The following CBLN2 variants were observed in gnomAD, a reference collection of about 807,000 sequenced individuals.
CBLN2 encodes the protein cerebellin-2.
In CBLN2, 7 loss-of-function variants were observed where a neutral mutation model predicts 15.0. That is an observed-to-expected ratio of 0.47 (90% CI 0.27 to 0.88). The LOEUF (loss-of-function observed/expected upper bound fraction) is 0.88, where lower values mean the gene tolerates loss of function less well. CBLN2 is among the 40% of genes least tolerant of loss of function. The pLI is 0.14. For synonymous variants in CBLN2, 149 were observed against 135.2 expected (o/e 1.10, Z -0.71); for missense variants, 242 against 304.5 (o/e 0.79, Z 1.53).
At chr18:72,610,650 T>C (rs1568131073) in intron 1 of CBLN2, among the ~76,000 whole-genome samples, 1 of 152,182 alleles carries the variant, frequency 6.6e-6, no homozygotes, top group Non-Finnish European at 1.5e-5. Context: ...TAGAAATCAA[T>C]AAGGAGCATC....
Position 72,567,091 on chromosome 18 carries a change from A to G in CBLN2, c.16-28319T>C, listed in dbSNP as rs186453327. Among the ~76,000 whole-genome samples the G allele has an allele frequency of 2.6e-5, 4 of 152,278 alleles. No homozygotes were observed. The East Asian group carries it at 7.7e-4, about 29-fold the overall frequency. ...ACCTGCCTCAGCCTCCCAAAATGCT[A>G]GAATTACAGACAGGAGGCACCGCGC... On this transcript the variant is annotated intron_variant, in intron 1 of 2. Coordinates refer to the CBLN2 transcript ENST00000581073.
chr18:72,542,841 T>G (rs1300792065), intron 2 of CBLN2: 1 of 152,058 alleles, frequency 6.6e-6, no homozygotes, highest in Non-Finnish European at 1.5e-5. Flanking sequence ...TTTTATCTGT[T>G]TTCCACCCAC....
rs2069080027 is a variant in CBLN2, at chr18:72,538,062, C to T, written c.*114G>A. 5 of 1,013,150 alleles carry T rather than the reference C, an allele frequency of 4.9e-6. No individual in the cohort carries two copies. The highest frequency in any genetic ancestry group is 1.6e-5 in the African/African-American group (1 of 62,104). The allele number at this position is 1,013,150 out of a possible 1,614,324, so 62.8% of individuals were successfully genotyped here. On this transcript the variant is annotated 3_prime_UTR_variant, in exon 5 of 5. Transcript: ENST00000269503. ...AAAGGAAATCATTCTTCTACTGCAA[C>T]AGTCTGACGGAGGTTGGAAACAAGG... is the stretch of plus-strand genomic sequence containing the variant.
intron 1 of CBLN2, among the ~76,000 whole-genome samples, chr18:72,628,193 A>G (rs1343955085): frequency 2.0e-5 from 3 of 152,172 alleles, no homozygotes; most frequent in Admixed American, 6.5e-5. Context: ...GAGTCTTACA[A>G]TTTTTTAAGA....
At chr18:72,566,112 T>C (rs1290905435) in intron 1 of CBLN2, among the ~76,000 whole-genome samples, 1 of 152,106 alleles carries the variant, frequency 6.6e-6, no homozygotes, top group Admixed American at 6.5e-5. Context: ...AAAAATACAC[T>C]GAGATATCAC....
At chr18:72,630,574 G>GAGA (rs1466860007) in intron 1 of CBLN2, among the ~76,000 whole-genome samples, 4 of 151,336 alleles carry the variant, frequency 2.6e-5, no homozygotes, top group African/African-American at 9.7e-5. Context: ...CAGAGAGAGA[G>GAGA]AGAGAGAGAG....
At chr18:72,621,481 T>C (rs2069700347) in intron 1 of CBLN2, among the ~76,000 whole-genome samples, 2 of 152,228 alleles carry the variant, frequency 1.3e-5, no homozygotes, top group African/African-American at 4.8e-5. Flanking sequence ...ATTGTTATGT[T>C]TATAAATATT....
intron 1 of CBLN2, among the ~76,000 whole-genome samples, chr18:72,610,083 C>T (rs1339540253): frequency 6.6e-6 from 1 of 152,206 alleles, no homozygotes; most frequent in Non-Finnish European, 1.5e-5. Context: ...ATAGGACACA[C>T]TCAGCTCTTC....
At chr18:72,561,407 C>A (rs1479439963) in intron 1 of CBLN2, among the ~76,000 whole-genome samples, 1 of 152,080 alleles carries the variant, frequency 6.6e-6, no homozygotes, top group Non-Finnish European at 1.5e-5. Flanking sequence ...AGTTTTAGGG[C>A]CTTACAGTAA....
At chr18:72,539,698 C>T (rs1357716823) in intron 3 of CBLN2, 1 of 152,126 alleles carries the variant, frequency 6.6e-6, no homozygotes, top group Admixed American at 6.5e-5. Flanking sequence ...GGCGGGACCC[C>T]CGTGATGACC....
chr18:72,546,519 G>A (rs1047552875), upstream of CBLN2, among the ~76,000 whole-genome samples: 3 of 151,864 alleles, frequency 2.0e-5, no homozygotes, highest in African/African-American at 7.3e-5. Context: ...TTAAGAAAAT[G>A]TCTAAGATTT....
At chr18:72,585,124 G>A (rs928738250) in intron 1 of CBLN2, among the ~76,000 whole-genome samples, 4 of 152,190 alleles carry the variant, frequency 2.6e-5, no homozygotes, top group African/African-American at 9.6e-5. Context: ...GCCCCAAAAA[G>A]GGTGTCACAG....
In CBLN2 at chr18:72,543,403, G is replaced by C. The variant is rs2069133253; in HGVS notation, c.-167+83C>G. ...TCTCTCTCCACCTCCTCCACCCCTC[G>C]ATCTGGACCAGGGAGAGTCTTCGTT... On this transcript the variant is annotated intron_variant, in intron 2 of 4. Transcript: ENST00000269503. This position sits in a 1 kb window ranked among gnomAD's most constrained non-coding sequence, Gnocchi z 6.8. 2.5e-6 allele frequency: 1 copy of C among 397,496 alleles called. No homozygotes were observed. The highest frequency in any genetic ancestry group is 2.1e-5 in the African/African-American group (1 of 48,526). The allele number at this position is 397,496 out of a possible 1,614,324, so 24.6% of individuals were successfully genotyped here. A position where few individuals can be genotyped will look rare whatever the true frequency, so the allele number is the denominator to read the frequency against.
intron 3 of CBLN2, among the ~76,000 whole-genome samples, chr18:72,540,648 T>C (rs1369008285): frequency 1.3e-5 from 2 of 151,878 alleles, no homozygotes; most frequent in Non-Finnish European, 2.9e-5. Context: ...TAAATAAAAA[T>C]GAATTAAAGA....
At position 72,538,699 on chromosome 18, in the gene CBLN2, C is replaced by T; in HGVS notation, c.431G>A (p.Ser144Asn). The T allele has an allele frequency of 6.2e-7, 1 of 1,614,064 alleles. No individual in the cohort carries two copies. Among genetic ancestry groups the T allele is most frequent in the Admixed American group, 1.7e-5 (1 of 60,006 alleles). ...CACTTTGACCACGTGGAAGCTGAAG[C>T]TATAAATCCCTTTTCTCGGTGCTAC... ...IFVAPRKGIY[S>N]FSFHVVKVYN... is the part of the protein sequence containing the mutation. The change falls in exon 4 of 5, where the codon AGC (serine) becomes AAC (asparagine). Residue 144 changes from serine (S) to asparagine (N), a missense_variant. Physicochemically the swap from Ser to Asn is conservative, Grantham distance 46 (BLOSUM62 1). Around this residue, in one of 4 missense-constraint regions of CBLN2, gnomAD observed 26 missense variants for 70.3 expected, o/e 0.37. Coordinates refer to ENST00000269503, the MANE Select transcript of CBLN2 (RefSeq NM_182511.4).
chr18:72,558,891 T>C (rs889214613), intron 1 of CBLN2, among the ~76,000 whole-genome samples: 2 of 152,034 alleles, frequency 1.3e-5, no homozygotes, highest in Non-Finnish European at 2.9e-5. Flanking sequence ...CTGTCTCTAC[T>C]AAAAATACAA....
intron 1 of CBLN2, among the ~76,000 whole-genome samples, chr18:72,597,360 C>T (rs2069519746): frequency 6.6e-6 from 1 of 152,186 alleles, no homozygotes; most frequent in Non-Finnish European, 1.5e-5. Context: ...GGCAGTTACT[C>T]TTGTTCTCTT....
At chr18:72,563,257 T>C (rs2069273345) in intron 1 of CBLN2, among the ~76,000 whole-genome samples, 1 of 152,190 alleles carries the variant, frequency 6.6e-6, no homozygotes. Context: ...ATTTAAAAAA[T>C]ACTAAATGGT....
At chr18:72,570,802 C>G (rs1201376537) in intron 1 of CBLN2, among the ~76,000 whole-genome samples, 1 of 152,090 alleles carries the variant, frequency 6.6e-6, no homozygotes, top group East Asian at 1.9e-4. Context: ...AGAGTGTGCC[C>G]TTGTTCAACC....
Sources: gnomAD v4.1 joint callset for allele counts (sites outside exome capture counted in the v4.1 genomes callset) on GRCh38, gnomAD v4.1.1 for gene constraint, gnomAD v4.1.1 regional missense constraint, Gnocchi (gnomAD v3.1) non-coding constraint, MANE v1.5 for transcripts, NCBI Gene and HGNC (gene_info 2026-07-23, HGNC 2026-07-21) for gene names.